NAA35: variants seen among roughly 807,000 people sequenced by gnomAD.
NAA35 encodes the protein N-alpha-acetyltransferase 35, NatC auxiliary subunit, also known as MAK10 homolog, amino-acid N-acetyltransferase subunit.
NAA35 carries 18 observed loss-of-function variants against 101.7 expected under a neutral mutation model. The ratio of observed to expected loss-of-function variants is 0.18; its 90% CI spans 0.12 to 0.26. The LOEUF (loss-of-function observed/expected upper bound fraction) is 0.26, where lower values mean the gene tolerates loss of function less well. NAA35 is among the 10% of genes least tolerant of loss of function. The pLI is 1.00. For synonymous variants in NAA35, 267 were observed against 273.1 expected, an observed-to-expected ratio of 0.98 and a Z score of 0.22; for missense variants, 601 against 886.8, an observed-to-expected ratio of 0.68 and a Z score of 4.09.
intron 2 of NAA35, among the ~76,000 whole-genome samples, chr9:85,950,282 T>G (rs1459404414): frequency 6.6e-6 from 1 of 152,184 alleles, no homozygotes; most frequent in Non-Finnish European, 1.5e-5. Context: ...TTTCGCTCTT[T>G]TTGCTCAGGC....
intron 2 of NAA35, among the ~76,000 whole-genome samples, chr9:85,951,115 G>T (rs1828999741): frequency 6.7e-6 from 1 of 150,162 alleles, no homozygotes. Flanking sequence ...TCCAGCCGGG[G>T]CGACAGAGTG....
intron 14 of NAA35, among the ~76,000 whole-genome samples, chr9:86,008,873 G>C (rs1432726426): frequency 6.6e-6 from 1 of 152,166 alleles, no homozygotes; most frequent in African/African-American, 2.4e-5. Context: ...TTTTCAGCTA[G>C]TGCTATCTGG....
rs1277966193 is a variant in NAA35, at chr9:86,007,429, T to G, written c.1188T>G (p.Leu396=). Residue 396 remains leucine (L), a synonymous_variant, in exon 14 of 23, where the codon CTT becomes CTG. Coordinates refer to ENST00000361671, the MANE Select transcript of NAA35 (RefSeq NM_024635.4). The stretch of plus-strand genomic sequence containing the variant: ...TGCAAGACATGGTGAAAGATGCACT[T>G]CGGTCTTTTGTCAGTCCTCCGGTGC... ...HLMQDMVKDA[L]RSFVSPPVLS... 2.5e-6 allele frequency: 4 copies of G among 1,613,820 alleles called. No homozygotes were observed. The highest frequency in any genetic ancestry group is 3.4e-6 in the Non-Finnish European group (4 of 1,179,748).
At position 86,014,750 on chromosome 9, in the gene NAA35, G is replaced by A. The variant is rs372569671; in HGVS notation, c.1568+853G>A. Reference sequence around the variant, plus strand: ...TTATGAGCAGTGAAGGCTTTTGACAGACAACTCTTGCCTGTGAAAACTGAA... The same window carrying A: ...TTATGAGCAGTGAAGGCTTTTGACAAACAACTCTTGCCTGTGAAAACTGAA... On this transcript the variant is annotated intron_variant, in intron 17 of 22. Coordinates refer to ENST00000361671, the MANE Select transcript of NAA35 (RefSeq NM_024635.4). Among the ~76,000 whole-genome samples the A allele has an allele frequency of 2.2e-4, 33 of 152,328 alleles. No homozygotes were observed. The South Asian group carries it at 6.8e-3, about 32-fold the overall frequency.
intron 12 of NAA35, among the ~76,000 whole-genome samples, chr9:85,997,330 C>T (rs922112555): frequency 6.6e-6 from 1 of 151,284 alleles, no homozygotes; most frequent in African/African-American, 2.4e-5. Context: ...GAGACACATG[C>T]CACTAGACTT....
chr9:86,000,957 C>T (rs1831396315), intron 12 of NAA35, among the ~76,000 whole-genome samples: 3 of 151,934 alleles, frequency 2.0e-5, no homozygotes, highest in Non-Finnish European at 4.4e-5. Context: ...TTCTTGGTTT[C>T]TCTGATTCTT....
intron 4 of NAA35, among the ~76,000 whole-genome samples, chr9:85,959,126 C>T (rs952359751): frequency 7.9e-5 from 12 of 151,880 alleles, no homozygotes; most frequent in African/African-American, 2.9e-4. Context: ...CCTGTAATCC[C>T]AGCACTTTGG....
intron 6 of NAA35, among the ~76,000 whole-genome samples, chr9:85,964,515 A>G (rs1829663134): frequency 6.6e-6 from 1 of 152,150 alleles, no homozygotes. Context: ...TTTTTTCCCT[A>G]CAATACAGGA....
intron 20 of NAA35, 26 bp downstream of exon 20, chr9:86,018,421 T>G (rs377761287): frequency 8.4e-5 from 134 of 1,597,928 alleles, no homozygotes; most frequent in Non-Finnish European, 1.0e-4. Context: ...GAACTTGTTA[T>G]GAAATCTTTA....
chr9:85,978,387 T>G lies in NAA35; in HGVS notation c.877+6T>G, dbSNP rs1486621041. 3.3e-6 allele frequency: 5 copies of G among 1,537,272 alleles called. No individual in the cohort carries two copies. The highest frequency in any genetic ancestry group is 9.0e-7 in the Non-Finnish European group (1 of 1,110,340). On this transcript the variant is annotated splice_donor_region_variant and intron_variant, in intron 11 of 22. Transcript: ENST00000361671. ...GAATGATACTACAAAAGGAGGTAATTGTTCAATTTGCTCCTACTCTTTCTT... is the reference window on the plus strand; with the variant it reads ...GAATGATACTACAAAAGGAGGTAATGGTTCAATTTGCTCCTACTCTTTCTT...
chr9:85,971,526 A>G (rs1448943932), intron 6 of NAA35, among the ~76,000 whole-genome samples: 6 of 152,188 alleles, frequency 3.9e-5, no homozygotes, highest in Non-Finnish European at 8.8e-5. Context: ...AGTATCAACT[A>G]ACTATACAAT....
intron 11 of NAA35, among the ~76,000 whole-genome samples, chr9:85,995,785 G>A (rs1831129661): frequency 6.6e-6 from 1 of 152,158 alleles, no homozygotes; most frequent in Non-Finnish European, 1.5e-5. Flanking sequence ...GCACTAGTGT[G>A]AAAAGTGAGA....
intron 15 of NAA35, among the ~76,000 whole-genome samples, chr9:86,010,605 C>A (rs1466746075): frequency 1.4e-5 from 2 of 138,012 alleles, no homozygotes; most frequent in African/African-American, 2.7e-5. Context: ...GACGGTGTCT[C>A]GCTCTGTGGC....
At chr9:85,956,109 G>A (rs934730032) in intron 2 of NAA35, among the ~76,000 whole-genome samples, 2 of 151,688 alleles carry the variant, frequency 1.3e-5, no homozygotes, top group African/African-American at 4.8e-5. Context: ...TATGGCCTGC[G>A]ATGGGTCACT....
chr9:85,962,348 A>C (rs1829551308), intron 6 of NAA35, among the ~76,000 whole-genome samples, 168 bp downstream of exon 6: 1 of 151,976 alleles, frequency 6.6e-6, no homozygotes, highest in African/African-American at 2.4e-5. Flanking sequence ...CAAAATAGCC[A>C]GGTGTGGTGG....
chr9:85,968,545 G>T (rs1392229835), intron 6 of NAA35, among the ~76,000 whole-genome samples: 1 of 152,112 alleles, frequency 6.6e-6, no homozygotes, highest in Non-Finnish European at 1.5e-5. Flanking sequence ...TGGGGTGTGT[G>T]TGTATGTACA....
intron 14 of NAA35, among the ~76,000 whole-genome samples, chr9:86,008,033 C>T (rs1038876473): frequency 6.6e-6 from 1 of 152,002 alleles, no homozygotes; most frequent in African/African-American, 2.4e-5. Flanking sequence ...TCCAAAATGC[C>T]CTGGACCAGA....
At chr9:85,963,263 C>CTTTTTTTTT (rs527736196) in intron 6 of NAA35, among the ~76,000 whole-genome samples, 2 of 72,296 alleles carry the variant, frequency 2.8e-5, no homozygotes, top group African/African-American at 5.9e-5. Flanking sequence ...GAAGGTATGG[C>CTTTTTTTTT]TTTTTTTTTT....
intron 12 of NAA35, 28 bp from the exon 13 acceptor site, chr9:86,003,557 C>T (rs770068470): frequency 7.1e-7 from 1 of 1,411,624 alleles, no homozygotes; most frequent in Non-Finnish European, 9.9e-7. Flanking sequence ...CTATTAATGA[C>T]ATTGCTTTTT....
Sources: gnomAD v4.1 joint callset for allele counts (sites outside exome capture counted in the v4.1 genomes callset) on GRCh38, gnomAD v4.1.1 for gene constraint, MANE v1.5 for transcripts, NCBI Gene and HGNC (gene_info 2026-07-23, HGNC 2026-07-21) for gene names.